Variants in SULT2B1 observed in about 807,000 individuals in gnomAD.
The protein encoded by SULT2B1 is sulfotransferase family 2B member 1.
A neutral mutation model predicts 33.2 loss-of-function variants in SULT2B1; 16 were observed. The observed-to-expected ratio is 0.48, with a 90% CI of 0.33 to 0.73. The LOEUF (loss-of-function observed/expected upper bound fraction) is 0.73, where lower values mean the gene tolerates loss of function less well. Ranked by LOEUF, SULT2B1 falls within the 30% of genes least tolerant of loss-of-function variation. The probability of loss-of-function intolerance (pLI) is 0.02; values close to 1 mark genes in which losing one functional copy is unlikely to be tolerated. For missense variants in SULT2B1, 500 were observed against 506.0 expected (o/e 0.99, Z 0.11); for synonymous variants, 186 against 200.5 (o/e 0.93, Z 0.61).
Position 48,552,281 on chromosome 19 carries a change from C to T in SULT2B1, c.29C>T (p.Pro10Leu), listed in dbSNP as rs527440291. 1,106 of 1,614,018 alleles carry T rather than the reference C, an allele frequency of 6.9e-4. 25 individuals are homozygous for T. In the South Asian group the frequency reaches 0.011, roughly 16 times the overall value. The change falls in exon 1 of 7, where the codon CCG becomes CTG. Residue 10 changes from proline (P) to leucine (L), a missense_variant. By Grantham distance (98) the Pro-to-Leu change is moderately conservative. Coordinates refer to ENST00000201586, the MANE Select transcript of SULT2B1 (RefSeq NM_177973.2). This position sits in a 1 kb window ranked among gnomAD's most constrained non-coding sequence, Gnocchi z 4.8. MDGPAEPQI[P>L]GLWDTYEDDI... The stretch of plus-strand genomic sequence containing the variant: ...GACGGGCCCGCCGAGCCCCAGATCC[C>T]GGGCTTGTGGGACACCTATGAAGAT...
At chr19:48,577,737 A>C (rs1279478047) in intron 2 of SULT2B1, among the ~76,000 whole-genome samples, 1 of 152,082 alleles carries the variant, frequency 6.6e-6, no homozygotes, top group Admixed American at 6.6e-5. Flanking sequence ...CACCTCCTCC[A>C]ACAAGTATTT....
At chr19:48,567,439 G>C (rs1050326005) in intron 1 of SULT2B1, among the ~76,000 whole-genome samples, 41 of 152,252 alleles carry the variant, frequency 2.7e-4, no homozygotes, top group Admixed American at 2.0e-4. Flanking sequence ...GTGCACGCCT[G>C]TAATCTCAGC....
chr19:48,553,984 C>T (rs1460486413), intron 1 of SULT2B1, among the ~76,000 whole-genome samples: 1 of 151,990 alleles, frequency 6.6e-6, no homozygotes, highest in East Asian at 1.9e-4. Context: ...TTTTTTATCT[C>T]CGCGACGGCT....
chr19:48,576,496 CATTTTT>C (rs897774134), intron 2 of SULT2B1, among the ~76,000 whole-genome samples: 2 of 147,142 alleles, frequency 1.4e-5, no homozygotes, highest in African/African-American at 2.5e-5. Flanking sequence ...CACACCTGAC[CATTTTT>C]ATTTTTATTT....
In SULT2B1 at chr19:48,552,326, G is replaced by A; in HGVS notation, c.71+3G>A. 1 of 1,613,912 alleles carries A rather than the reference G, an allele frequency of 6.2e-7. No homozygotes were observed. Among genetic ancestry groups the A allele is most frequent in the Non-Finnish European group, 8.5e-7 (1 of 1,179,906 alleles). On this transcript the variant is annotated splice_donor_region_variant and intron_variant, in intron 1 of 6. Coordinates refer to ENST00000201586, the MANE Select transcript of SULT2B1 (RefSeq NM_177973.2). The surrounding 1 kb of genome is among the most constrained non-coding windows in gnomAD (Gnocchi z 4.8). ...GAAGATGACATCTCGGAAATCAGGT[G>A]AGGCCCAGACCTGGGCAGGAGCCAG...
intron 1 of SULT2B1, among the ~76,000 whole-genome samples, chr19:48,573,512 G>A (rs1351561167): frequency 6.6e-6 from 1 of 152,138 alleles, no homozygotes; most frequent in Non-Finnish European, 1.5e-5. Flanking sequence ...AGCCACGTAG[G>A]CATGTGGGTG....
chr19:48,576,934 C>T (rs763246806), intron 2 of SULT2B1, among the ~76,000 whole-genome samples: 3 of 151,786 alleles, frequency 2.0e-5, no homozygotes, highest in Non-Finnish European at 2.9e-5. Flanking sequence ...AGCCACCGCG[C>T]CTGGCTAAAT....
chr19:48,598,302 G>A (rs546303579), intron 6 of SULT2B1, among the ~76,000 whole-genome samples: 124 of 152,246 alleles, frequency 8.1e-4, no homozygotes, highest in African/African-American at 2.9e-3. Flanking sequence ...TGAGAAAACT[G>A]AGGCTTGGGA....
chr19:48,557,614 G>A (rs1036384087), intron 1 of SULT2B1, among the ~76,000 whole-genome samples: 2 of 151,012 alleles, frequency 1.3e-5, no homozygotes, highest in African/African-American at 4.9e-5. Context: ...GGATAATAAG[G>A]GCTAAATTAA....
At position 48,596,730 on chromosome 19, in the gene SULT2B1, T is replaced by C; in HGVS notation, c.646-9T>C. The stretch of plus-strand genomic sequence containing the variant: ...CCTCCCTCCGCTGACCCCTCTCCCC[T>C]GCCTGCAGGACTTACAGGGCTCCGT... On this transcript the variant is annotated splice_polypyrimidine_tract_variant and intron_variant, in intron 5 of 6. Coordinates refer to ENST00000201586, the MANE Select transcript of SULT2B1 (RefSeq NM_177973.2). 6.3e-7 allele frequency: 1 copy of C among 1,597,958 alleles called. No individual in the cohort carries two copies.
intron 1 of SULT2B1, among the ~76,000 whole-genome samples, chr19:48,568,310 A>G (rs1973270868): frequency 6.6e-6 from 1 of 151,866 alleles, no homozygotes; most frequent in African/African-American, 2.4e-5. Context: ...AAAGTATTAA[A>G]AAGGGCCGCA....
intron 3 of SULT2B1, among the ~76,000 whole-genome samples, chr19:48,590,354 C>T (rs1272295667): frequency 1.3e-5 from 2 of 152,092 alleles, no homozygotes; most frequent in African/African-American, 4.8e-5. Flanking sequence ...GTAATCCCAG[C>T]ACTTGGGGAG....
chr19:48,582,390 TA>T (rs1222464275), intron 2 of SULT2B1, among the ~76,000 whole-genome samples: 3 of 93,478 alleles, frequency 3.2e-5, no homozygotes, highest in Non-Finnish European at 6.3e-5. Flanking sequence ...TGCCTATGTA[TA>T]TACAATGTAA....
chr19:48,576,353 ACTTCT>A (rs1379795881), intron 2 of SULT2B1, among the ~76,000 whole-genome samples: 4 of 21,384 alleles, frequency 1.9e-4, no homozygotes, highest in Admixed American at 4.0e-4. Flanking sequence ...TTTACCCTCT[ACTTCT>A]CTTTTTTTTT....
intron 4 of SULT2B1, among the ~76,000 whole-genome samples, chr19:48,592,369 C>G (rs955664910): frequency 5.3e-4 from 81 of 152,102 alleles, no homozygotes; most frequent in African/African-American, 1.8e-3. Context: ...CAGGGAGAGA[C>G]AAGGAAACAG....
At chr19:48,570,718 G>A (rs1312232207) in intron 1 of SULT2B1, among the ~76,000 whole-genome samples, 1 of 151,234 alleles carries the variant, frequency 6.6e-6, no homozygotes, top group African/African-American at 2.4e-5. Flanking sequence ...TTTGTTTTCC[G>A]TTTTTGTTTT....
intron 5 of SULT2B1, among the ~76,000 whole-genome samples, chr19:48,594,420 A>T (rs1356821849): frequency 6.6e-6 from 1 of 152,000 alleles, no homozygotes; most frequent in East Asian, 1.9e-4. Flanking sequence ...CTCCATGTTT[A>T]TTTTTTCCCA....
intron 1 of SULT2B1, among the ~76,000 whole-genome samples, chr19:48,559,348 T>G (rs1419745413): frequency 2.0e-5 from 3 of 148,716 alleles, no homozygotes; most frequent in Non-Finnish European, 4.5e-5. Flanking sequence ...TTGGTTTTGT[T>G]TTTTGTTTTG....
At chr19:48,562,230 T>C (rs961303809) in intron 1 of SULT2B1, among the ~76,000 whole-genome samples, 1 of 151,884 alleles carries the variant, frequency 6.6e-6, no homozygotes, top group African/African-American at 2.4e-5. Context: ...CTACTAAAAA[T>C]ACAAAAAATT....
Sources: allele counts gnomAD v4.1 joint callset (sites outside exome capture counted in the v4.1 genomes callset), GRCh38; gene constraint gnomAD v4.1.1; non-coding constraint Gnocchi (gnomAD v3.1); transcripts MANE v1.5; gene names NCBI Gene and HGNC (gene_info 2026-07-23, HGNC 2026-07-21).